AAK1: variants seen among roughly 807,000 people sequenced by gnomAD.
The protein encoded by AAK1 is AP2 associated kinase 1.
A neutral mutation model predicts 116.0 loss-of-function variants in AAK1; 37 were observed. The observed-to-expected ratio is 0.32, with a 90% CI of 0.25 to 0.42. The LOEUF is 0.42. Among genes scored for constraint, AAK1 ranks in the 10% least tolerant of loss-of-function variants. The probability of loss-of-function intolerance (pLI) is 1.00; values close to 1 mark genes in which losing one functional copy is unlikely to be tolerated. For missense variants in AAK1, 919 were observed against 1,170.6 expected (o/e 0.79, Z 3.14); for synonymous variants, 458 against 439.9 (o/e 1.04, Z -0.51).
intron 5 of AAK1, 121 bp downstream of exon 5, chr2:69,542,401 TA>T: frequency 8.1e-7 from 1 of 1,241,808 alleles, no homozygotes; most frequent in Non-Finnish European, 1.1e-6. Context: ...AGGCAGAATA[TA>T]AACATAAAAA....
At chr2:69,496,721 C>T (rs943571923) in intron 16 of AAK1, among the ~76,000 whole-genome samples, 19 of 152,236 alleles carry the variant, frequency 1.2e-4, no homozygotes, top group Non-Finnish European at 2.1e-4. Context: ...CATTTTAGCA[C>T]ATAAACAGAT....
chr2:69,466,188 C>T lies in AAK1; in HGVS notation c.*9681G>A. On this transcript the variant is annotated 3_prime_UTR_variant, in exon 22 of 22. Transcript: ENST00000409085. ...GGCTTGAAACTGGTTCTTTCTTCCA[C>T]CTTGCACTGTCTTTGCTTGCTCAGG... 7.8e-7 allele frequency: 1 copy of T among 1,289,892 alleles called. No homozygotes were observed. The highest frequency in any genetic ancestry group is 1.0e-6 in the Non-Finnish European group (1 of 988,882). The allele number at this position is 1,289,892 out of a possible 1,614,324, so 79.9% of individuals were successfully genotyped here.
At chr2:69,633,309 A>G (rs1675290689) in intron 2 of AAK1, among the ~76,000 whole-genome samples, 1 of 151,564 alleles carries the variant, frequency 6.6e-6, no homozygotes, top group Non-Finnish European at 1.5e-5. Context: ...GCTGACATCA[A>G]GAAGTCAGCA....
At chr2:69,531,245 G>A (rs1362332839) in intron 6 of AAK1, among the ~76,000 whole-genome samples, 2 of 152,112 alleles carry the variant, frequency 1.3e-5, no homozygotes, top group Non-Finnish European at 2.9e-5. Flanking sequence ...GCACGTCCTC[G>A]AAGTGAGTGT....
intron 2 of AAK1, among the ~76,000 whole-genome samples, chr2:69,578,000 C>A (rs997325397): frequency 2.6e-5 from 4 of 152,156 alleles, no homozygotes; most frequent in Non-Finnish European, 5.9e-5. Flanking sequence ...GAAGGAAGGG[C>A]CAGAGTTGGA....
Position 69,527,228 on chromosome 2 carries a change from A to G in AAK1, c.963T>C (p.Ile321=). 6.2e-7 allele frequency: 1 copy of G among 1,603,404 alleles called. No homozygotes were observed. Among genetic ancestry groups the G allele is most frequent in the Non-Finnish European group, 8.5e-7 (1 of 1,173,268 alleles). Residue 321 remains isoleucine (I), a synonymous_variant, in exon 9 of 22, where the codon ATT becomes ATC. Coordinates refer to ENST00000409085, the MANE Select transcript of AAK1 (RefSeq NM_014911.5). ...SFKLLKKECP[I]PNVQNSPIPA... ...ACCATTCACGTACCTGTACATTTGGAATTGGGCACTCTTTCTTGAGTAGCT... is the reference window on the plus strand; with the variant it reads ...ACCATTCACGTACCTGTACATTTGGGATTGGGCACTCTTTCTTGAGTAGCT...
Position 69,469,441 on chromosome 2 carries a change from G to C in AAK1, c.*6428C>G. ...TCTTACAGGGAAAATGTGTTTTCAG[G>C]GTGAACAGTTCCTTTATATGAAGGT... On this transcript the variant is annotated 3_prime_UTR_variant, in exon 22 of 22. Transcript: ENST00000409085. 1.0e-6 allele frequency: 1 copy of C among 985,406 alleles called. No homozygotes were observed. Among genetic ancestry groups the C allele is most frequent in the South Asian group, 4.7e-5 (1 of 21,280 alleles). The allele number at this position is 985,406 out of a possible 1,614,324, so 61.0% of individuals were successfully genotyped here. A position where few individuals can be genotyped will look rare whatever the true frequency, so the allele number is the denominator to read the frequency against.
intron 2 of AAK1, among the ~76,000 whole-genome samples, chr2:69,623,396 C>T (rs886100134): frequency 2.0e-5 from 3 of 152,206 alleles, no homozygotes; most frequent in Admixed American, 2.0e-4. Context: ...CCACTCAGAC[C>T]TGGCAGTCTT....
chr2:69,642,909 C>T lies in AAK1; in HGVS notation c.132G>A (p.Gln44=), dbSNP rs1457703269. The T allele has an allele frequency of 1.2e-6, 2 of 1,613,950 alleles. No homozygotes were observed. The highest frequency in any genetic ancestry group is 8.5e-7 in the Non-Finnish European group (1 of 1,179,882). ...YIGRVFGIGR[Q]QVTVDEVLAE... Reference sequence around the variant, plus strand: ...CCAACACCTCGTCCACTGTGACCTGCTGTCGCCCGATGCCGAAGACTCTTC... The same window carrying T: ...CCAACACCTCGTCCACTGTGACCTGTTGTCGCCCGATGCCGAAGACTCTTC... The change falls in exon 2 of 22, where the codon CAG becomes CAA. Residue 44 remains glutamine (Q), a synonymous_variant. Transcript: ENST00000409085.
chr2:69,567,123 C>T (rs57189664), intron 2 of AAK1, among the ~76,000 whole-genome samples: 3,528 of 152,338 alleles, frequency 0.023, 138 homozygotes, highest in African/African-American at 0.082. Context: ...GCCACAAGAG[C>T]CTTCTTTCTT....
At chr2:69,634,901 G>A (rs1385040298) in intron 2 of AAK1, among the ~76,000 whole-genome samples, 1 of 152,178 alleles carries the variant, frequency 6.6e-6, no homozygotes, top group African/African-American at 2.4e-5. Flanking sequence ...CACTGCTCTA[G>A]ACTACAATGG....
chr2:69,577,992 A>C (rs186181167), intron 2 of AAK1, among the ~76,000 whole-genome samples: 1 of 152,334 alleles, frequency 6.6e-6, no homozygotes, highest in East Asian at 1.9e-4. Context: ...CTGAGGTGGA[A>C]GGAAGGGCCA....
intron 17 of AAK1, among the ~76,000 whole-genome samples, chr2:69,485,014 A>G (rs933021051): frequency 6.6e-6 from 1 of 152,216 alleles, no homozygotes; most frequent in African/African-American, 2.4e-5. Context: ...TACACTGTAT[A>G]TGACATTATA....
Position 69,507,501 on chromosome 2 carries a change from C to T in AAK1, c.2084G>A (p.Trp695Ter). 1 of 1,612,622 alleles carries T rather than the reference C, an allele frequency of 6.2e-7. No individual in the cohort carries two copies. Among genetic ancestry groups the T allele is most frequent in the Non-Finnish European group, 8.5e-7 (1 of 1,179,358 alleles). Residue 695 changes from tryptophan to a stop codon, truncating the protein, a stop_gained, in exon 15 of 22, where the codon TGG becomes TAG. Transcript: ENST00000409085. LOFTEE classifies it high-confidence loss of function. ...NVYNPSEGSTWNPFDDDNFSK... is the reference protein window; with the variant it reads ...NVYNPSEGST ...GAAATTATCGTCATCAAAGGGATTCCACGTAGACCCTTCTGAAGGATTATA... is the reference window on the plus strand; with the variant it reads ...GAAATTATCGTCATCAAAGGGATTCTACGTAGACCCTTCTGAAGGATTATA...
Position 69,520,941 on chromosome 2 carries a change from T to C in AAK1, c.1103A>G (p.Gln368Arg). 6.2e-7 allele frequency: 1 copy of C among 1,613,514 alleles called. No homozygotes were observed. The highest frequency in any genetic ancestry group is 8.5e-7 in the Non-Finnish European group (1 of 1,179,636). ...CTGAGTCTGCCCAGCTTTAGGCCTC[T>C]GGCGGGGTGCAATTGAAGTCTCTGT... Reference protein sequence around the residue: ...PTTETSIAPRQRPKAGQTQPN... With the variant: ...PTTETSIAPRRRPKAGQTQPN... Residue 368 changes from glutamine to arginine, a missense_variant, in exon 11 of 22, where the codon CAG becomes CGG. Coordinates refer to ENST00000409085, the MANE Select transcript of AAK1 (RefSeq NM_014911.5).
At chr2:69,500,383 TA>T (rs1329046657) in intron 16 of AAK1, 1 of 152,104 alleles carries the variant, frequency 6.6e-6, no homozygotes, top group Non-Finnish European at 1.5e-5. Context: ...AGACACTTTT[TA>T]ATGTTTGTAA....
intron 2 of AAK1, among the ~76,000 whole-genome samples, chr2:69,569,682 T>C (rs1672017107): frequency 6.6e-6 from 1 of 152,172 alleles, no homozygotes; most frequent in African/African-American, 2.4e-5. Context: ...GCTGTTCTGA[T>C]TGTTTTCATG....
chr2:69,583,298 A>C (rs1287224969), intron 2 of AAK1, among the ~76,000 whole-genome samples: 1 of 152,246 alleles, frequency 6.6e-6, no homozygotes, highest in African/African-American at 2.4e-5. Flanking sequence ...TTTAAAAGAC[A>C]ACATTGCTTT....
intron 2 of AAK1, among the ~76,000 whole-genome samples, chr2:69,630,340 T>TGGGGGGGGGGGG (rs1354946859): frequency 2.9e-5 from 2 of 68,498 alleles, no homozygotes; most frequent in Non-Finnish European, 6.8e-5. Context: ...GGGCGGGGGG[T>TGGGGGGGGGGGG]GGGGGGGGAG....
Sources: allele counts gnomAD v4.1 joint callset (sites outside exome capture counted in the v4.1 genomes callset), GRCh38; gene constraint gnomAD v4.1.1; transcripts MANE v1.5; gene names NCBI Gene and HGNC (gene_info 2026-07-23, HGNC 2026-07-21).